The following VWF variants were observed in gnomAD, a reference collection of about 807,000 sequenced individuals.
VWF encodes the protein Factor VIII related antigen.
In VWF, 176 loss-of-function variants were observed where a neutral mutation model predicts 308.6. The observed-to-expected ratio is 0.57, with a 90% CI of 0.50 to 0.65. The LOEUF is 0.65. Ranked by LOEUF, VWF falls within the 30% of genes least tolerant of loss-of-function variation. The pLI is 0.00. For missense variants in VWF, 3,146 were observed against 3,648.2 expected (o/e 0.86, Z 3.55); for synonymous variants, 1,385 against 1,443.4 (o/e 0.96, Z 0.92).
chr12:5,986,933 G>C (rs573626369), intron 38 of VWF, among the ~76,000 whole-genome samples: 8 of 152,120 alleles, frequency 5.3e-5, no homozygotes, highest in Admixed American at 5.2e-4. Context: ...TTGTTTGTTT[G>C]TTTGTTTGTT....
At chr12:5,973,781 C>T (rs1943503903) in intron 43 of VWF, among the ~76,000 whole-genome samples, 1 of 152,176 alleles carries the variant, frequency 6.6e-6, no homozygotes, top group Admixed American at 6.5e-5. Flanking sequence ...TCTCAGAATA[C>T]AGTTCCTACA....
intron 43 of VWF, among the ~76,000 whole-genome samples, chr12:5,973,318 T>C (rs999857502): frequency 2.6e-5 from 4 of 152,264 alleles, no homozygotes; most frequent in Non-Finnish European, 4.4e-5. Flanking sequence ...CCTGTTTTCA[T>C]TGGTTTCCCA....
intron 44 of VWF, among the ~76,000 whole-genome samples, chr12:5,970,295 A>T (rs3819541): frequency 0.052 from 7,850 of 152,222 alleles, 404 homozygotes; most frequent in East Asian, 0.28. Flanking sequence ...CAGCAAAGCC[A>T]TTGCCAACAC....
At chr12:6,122,644 C>T in intron 2 of VWF, 1 of 424,232 alleles carries the variant, frequency 2.4e-6, no homozygotes, top group Non-Finnish European at 4.6e-6. Flanking sequence ...ATTTGCAGAC[C>T]CAGAATCTTA....
rs760079239 is a variant in VWF, at chr12:6,016,074, A to G, written c.5455+15T>C. The stretch of plus-strand genomic sequence containing the variant: ...CTCGCTCTCCTGAATTGAGGACTGT[A>G]CACCAGATTCTTACTGTTGGACCTG... On this transcript the variant is annotated intron_variant, in intron 31 of 51. Coordinates refer to ENST00000261405, the MANE Select transcript of VWF (RefSeq NM_000552.5). The G allele has an allele frequency of 6.2e-7, 1 of 1,614,014 alleles. No individual in the cohort carries two copies. The highest frequency in any genetic ancestry group is 1.1e-5 in the South Asian group (1 of 91,082).
In VWF at chr12:6,024,410, T is replaced by C. The variant is rs1176649190; in HGVS notation, c.3223-623A>G. ...ATGAATTCAGACACTGAGTGGGTCA[T>C]TGTTTCCAAGACGTTCCAACAGTCT... On this transcript the variant is annotated intron_variant, in intron 24 of 51. Transcript: ENST00000261405. This position sits in a 1 kb window ranked among gnomAD's most constrained non-coding sequence, Gnocchi z 4.0. 3.3e-5 allele frequency among the ~76,000 whole-genome samples: 5 copies of C among 152,220 alleles called. No individual in the cohort carries two copies. The highest frequency in any genetic ancestry group is 2.6e-4 in the Admixed American group (4 of 15,286).
At chr12:6,102,043 CAGA>C (rs1422456663) in intron 5 of VWF, among the ~76,000 whole-genome samples, 2 of 152,174 alleles carry the variant, frequency 1.3e-5, no homozygotes, top group East Asian at 1.9e-4. Flanking sequence ...AGTTAAAAAC[CAGA>C]AGAAGGCACA....
Position 6,035,444 on chromosome 12 carries a change from G to A in VWF, c.2547-618C>T, listed in dbSNP as rs141767483. Among the ~76,000 whole-genome samples the A allele has an allele frequency of 7.4e-3, 1,122 of 152,284 alleles. 16 individuals carry two copies. Among genetic ancestry groups the A allele is most frequent in the African/African-American group, 0.025 (1,043 of 41,532 alleles). ...CTGACATCAAGAAGCCCACTTGTGC[G>A]TCAGAGGTGGTAAGCTCAGACCTCA... On this transcript the variant is annotated intron_variant, in intron 19 of 51. Coordinates refer to ENST00000261405, the MANE Select transcript of VWF (RefSeq NM_000552.5).
In VWF at chr12:6,024,694, C is replaced by T. The variant is rs984268262; in HGVS notation, c.3222+886G>A. Among the ~76,000 whole-genome samples, 4 of 152,234 alleles carry T rather than the reference C, an allele frequency of 2.6e-5. No individual in the cohort carries two copies. The highest frequency in any genetic ancestry group is 9.6e-5 in the African/African-American group (4 of 41,462). On this transcript the variant is annotated intron_variant, in intron 24 of 51. Coordinates refer to ENST00000261405, the MANE Select transcript of VWF (RefSeq NM_000552.5). This position sits in a 1 kb window ranked among gnomAD's most constrained non-coding sequence, Gnocchi z 4.0. ...ATGTCCATGTACAAGCCCATGTCCA[C>T]ATGTGTGTACACACATACATGCAGC...
intron 40 of VWF, 117 bp downstream of exon 40, chr12:5,984,928 C>G (rs1465162183): frequency 2.7e-6 from 3 of 1,131,530 alleles, no homozygotes; most frequent in African/African-American, 3.1e-5. Flanking sequence ...CGGTCCTTAC[C>G]CACCTCCTTT....
intron 48 of VWF, 129 bp downstream of exon 48, chr12:5,953,367 A>G (rs1251009934): frequency 2.8e-6 from 2 of 704,524 alleles, no homozygotes; most frequent in Non-Finnish European, 5.0e-6. Flanking sequence ...TTCTTTATAT[A>G]ATCAGAAAGA....
chr12:6,021,075 T>G (rs977375668), intron 27 of VWF: 1 of 152,260 alleles, frequency 6.6e-6, no homozygotes, highest in Admixed American at 6.5e-5. Flanking sequence ...TGGTTAACAG[T>G]GCATGAGTGA....
At chr12:5,997,995 A>C (rs1591850668) in intron 34 of VWF, among the ~76,000 whole-genome samples, 1 of 152,342 alleles carries the variant, frequency 6.6e-6, no homozygotes, top group East Asian at 1.9e-4. Context: ...AAATCATTTT[A>C]TCTCATCTCT....
At position 6,012,143 on chromosome 12, in the gene VWF, C is replaced by A; in HGVS notation, c.5621-13G>T. The A allele has an allele frequency of 1.2e-6, 2 of 1,613,932 alleles. No individual in the cohort carries two copies. Among genetic ancestry groups the A allele is most frequent in the Non-Finnish European group, 1.7e-6 (2 of 1,179,828 alleles). On this transcript the variant is annotated splice_polypyrimidine_tract_variant and intron_variant, in intron 32 of 51. Coordinates refer to ENST00000261405, the MANE Select transcript of VWF (RefSeq NM_000552.5). ...ATCCTAACAAATCCTGCAACAGACA[C>A]AAATAAGACCTTAGTTCCCATCTTT...
At chr12:6,079,420 C>T (rs529457547) in intron 6 of VWF, among the ~76,000 whole-genome samples, 7 of 151,986 alleles carry the variant, frequency 4.6e-5, no homozygotes, top group South Asian at 2.1e-4. Context: ...TCCTGGCTAA[C>T]ACGGTGAAAC....
rs199941643 is a variant in VWF at position 5,969,178 on chromosome 12, C to G, written c.7729+33G>C. On this transcript the variant is annotated intron_variant, in intron 45 of 51. Coordinates refer to ENST00000261405, the MANE Select transcript of VWF (RefSeq NM_000552.5). ...GAAAGAGAGGCTTAAAGGTGGTGCC[C>G]GGTCCAGCCCAGCCCCAGCCTGCAT... The G allele has an allele frequency of 4.6e-5, 74 of 1,591,668 alleles. 1 individual carries two copies. Among genetic ancestry groups the G allele is most frequent in the Admixed American group, 3.7e-4 (21 of 56,140 alleles).
chr12:5,999,398 G>A (rs184246758), intron 34 of VWF, among the ~76,000 whole-genome samples: 6 of 151,684 alleles, frequency 4.0e-5, no homozygotes, highest in Admixed American at 6.6e-5. Context: ...TAAAGCAAAC[G>A]GGAAAGTCAG....
chr12:6,037,473 CG>C (rs1944350237), intron 18 of VWF, among the ~76,000 whole-genome samples: 1 of 152,112 alleles, frequency 6.6e-6, no homozygotes. Flanking sequence ...CGTCACCCCT[CG>C]GGAAACTACT....
Position 6,075,947 on chromosome 12 carries a change from C to A in VWF, c.658-396G>T, listed in dbSNP as rs1944838682. Among the ~76,000 whole-genome samples, 1 of 152,190 alleles carries A rather than the reference C, an allele frequency of 6.6e-6. No homozygotes were observed. The highest frequency in any genetic ancestry group is 2.4e-5 in the African/African-American group (1 of 41,448). On this transcript the variant is annotated intron_variant, in intron 6 of 51. Transcript: ENST00000261405. This position sits in a 1 kb window ranked among gnomAD's most constrained non-coding sequence, Gnocchi z 4.7. ...GGTTCTGCACTGACCTGTTCAGCTC[C>A]CCTCCCTGACCTTGATCTTCTTCAC...
Sources: allele counts gnomAD v4.1 joint callset (sites outside exome capture counted in the v4.1 genomes callset), GRCh38; gene constraint gnomAD v4.1.1; non-coding constraint Gnocchi (gnomAD v3.1); transcripts MANE v1.5; gene names NCBI Gene and HGNC (gene_info 2026-07-23, HGNC 2026-07-21).